PDZD2: variants seen among roughly 807,000 people sequenced by gnomAD.
PDZD2 encodes the protein PDZ domain-containing protein 2.
Under a neutral mutation model 220.7 loss-of-function variants are expected in PDZD2, and 90 were observed. The observed-to-expected ratio is 0.41, with a 90% CI of 0.34 to 0.49. The LOEUF (loss-of-function observed/expected upper bound fraction) is 0.49. PDZD2 is among the 20% of genes least tolerant of loss of function. The probability of loss-of-function intolerance (pLI) is 0.28; values close to 1 mark genes in which losing one functional copy is unlikely to be tolerated. For missense variants in PDZD2, 3,174 were observed against 3,608.5 expected (o/e 0.88, Z 3.08); for synonymous variants, 1,375 against 1,450.5 (o/e 0.95, Z 1.18).
intron 3 of PDZD2, among the ~76,000 whole-genome samples, chr5:31,985,765 T>C (rs1750663651): frequency 6.6e-6 from 1 of 151,950 alleles, no homozygotes; most frequent in Admixed American, 6.6e-5. Flanking sequence ...AATAATACTA[T>C]TAATAATAAA....
At chr5:31,773,969 A>G (rs980785719) in intron 1 of PDZD2, among the ~76,000 whole-genome samples, 1 of 152,168 alleles carries the variant, frequency 6.6e-6, no homozygotes, top group Non-Finnish European at 1.5e-5. Flanking sequence ...ACCGATGTCG[A>G]CACCTAGAGG....
At chr5:32,103,442 A>T (rs1273161765) in intron 24 of PDZD2, 1 of 152,208 alleles carries the variant, frequency 6.6e-6, no homozygotes, top group Non-Finnish European at 1.5e-5. Context: ...TCAAACCTTG[A>T]TATAATAAAG....
rs1467260076 is a variant in PDZD2, at chr5:31,639,168, C to T, written c.-630C>T. On this transcript the variant is annotated 5_prime_UTR_variant, in exon 1 of 25. Transcript: ENST00000438447. The surrounding 1 kb of genome is among the most constrained non-coding windows in gnomAD (Gnocchi z 4.1). ...ATCCCCTGCGCAGCGAGGCGAGGAG[C>T]GGACCCCAGCGCCGGTGCGTGCCGG... is the stretch of plus-strand genomic sequence containing the variant. 6.6e-5 allele frequency among the ~76,000 whole-genome samples: 10 copies of T among 152,116 alleles called. 2 individuals carry two copies. Among genetic ancestry groups the T allele is most frequent in the Admixed American group, 5.9e-4 (9 of 15,292 alleles).
chr5:32,107,438 T>G (rs189872899), intron 24 of PDZD2: 2 of 151,876 alleles, frequency 1.3e-5, no homozygotes, highest in Non-Finnish European at 2.9e-5. Flanking sequence ...ATGCCTGTGG[T>G]AGCAGCTACT....
chr5:31,711,444 C>G (rs1748098203), intron 1 of PDZD2, among the ~76,000 whole-genome samples: 1 of 152,224 alleles, frequency 6.6e-6, no homozygotes, highest in African/African-American at 2.4e-5. Context: ...AAAGCATAAG[C>G]AAGTCTATGC....
Position 31,849,903 on chromosome 5 carries a change from T to TACATATATATATATACATATATATATAC in PDZD2, c.476+50206_476+50207insCACATATATATATATACATATATATATA, listed in dbSNP as rs1757839003. Among the ~76,000 whole-genome samples, 32 of 25,678 alleles carry TACATATATATATATACATATATATATAC rather than the reference T, an allele frequency of 1.2e-3. 6 individuals carry two copies. The highest frequency in any genetic ancestry group is 1.3e-3 in the Non-Finnish European group (21 of 15,630). 16.8% of individuals were successfully genotyped at this position (25,678 alleles called of 152,430 possible). A position where few individuals can be genotyped will look rare whatever the true frequency, so the allele number is the denominator to read the frequency against. On this transcript the variant is annotated intron_variant, in intron 2 of 24. Transcript: ENST00000438447. ...ATATATATATACACATATATATATA[T>TACATATATATATATACATATATATATAC]ACATATATATATATACATATATATA...
chr5:32,001,176 G>A (rs1046506422), intron 5 of PDZD2, among the ~76,000 whole-genome samples: 6 of 152,184 alleles, frequency 3.9e-5, no homozygotes, highest in African/African-American at 9.7e-5. Context: ...AAAGGTCAGG[G>A]ACTGCAGTGT....
chr5:31,707,153 TG>T (rs1002652252), intron 1 of PDZD2, among the ~76,000 whole-genome samples: 1 of 47,298 alleles, frequency 2.1e-5, no homozygotes, highest in Non-Finnish European at 3.8e-5. Flanking sequence ...GGGCCTGTCA[TG>T]GGGTGGGGGG....
At chr5:31,870,879 ACT>A (rs1320674184) in intron 2 of PDZD2, among the ~76,000 whole-genome samples, 1 of 146,744 alleles carries the variant, frequency 6.8e-6, no homozygotes, top group Non-Finnish European at 1.5e-5. Flanking sequence ...ACAGATCGAG[ACT>A]CTGTCTCAAA....
intron 1 of PDZD2, among the ~76,000 whole-genome samples, chr5:31,682,089 A>C (rs1412390156): frequency 6.6e-6 from 1 of 152,152 alleles, no homozygotes; most frequent in African/African-American, 2.4e-5. Flanking sequence ...ATTAGACCCA[A>C]GTGGCGAGTT....
chr5:31,655,928 GA>G (rs2150109262), intron 1 of PDZD2, among the ~76,000 whole-genome samples: 1 of 152,360 alleles, frequency 6.6e-6, no homozygotes, highest in African/African-American at 2.4e-5. Context: ...GTGGATGGTA[GA>G]AAGGAAGTTT....
rs1743311238 is a variant in PDZD2, at chr5:32,093,027, G to A, written c.7845+3G>A. 1.4e-6 allele frequency: 2 copies of A among 1,410,762 alleles called. No homozygotes were observed. The highest frequency in any genetic ancestry group is 1.0e-6 in the Non-Finnish European group (1 of 996,262). 87.4% of individuals were successfully genotyped at this position (1,410,762 alleles called of 1,614,324 possible). A position where few individuals can be genotyped will look rare whatever the true frequency, so the allele number is the denominator to read the frequency against. On this transcript the variant is annotated splice_donor_region_variant and intron_variant, in intron 21 of 24. Coordinates refer to ENST00000438447, the MANE Select transcript of PDZD2 (RefSeq NM_178140.4). ...AGGAAGCGAAAGCACAATCAGAGGT[G>A]AGTGAAACACAGAAAGCTCAGGAAC...
intron 1 of PDZD2, among the ~76,000 whole-genome samples, chr5:31,688,446 C>T (rs1746961694): frequency 6.6e-6 from 1 of 152,150 alleles, no homozygotes; most frequent in Non-Finnish European, 1.5e-5. Context: ...GCTGTAAGCA[C>T]GAAGAGCAAA....
At position 31,639,154 on chromosome 5, in the gene PDZD2, A is replaced by G. The variant is rs888670613; in HGVS notation, c.-644A>G. On this transcript the variant is annotated 5_prime_UTR_variant, in exon 1 of 25. Coordinates refer to ENST00000438447, the MANE Select transcript of PDZD2 (RefSeq NM_178140.4). The surrounding 1 kb of genome is among the most constrained non-coding windows in gnomAD (Gnocchi z 4.1). ...TGGAGGCTCGGCGGATCCCCTGCGC[A>G]GCGAGGCGAGGAGCGGACCCCAGCG... Among the ~76,000 whole-genome samples, 1 of 151,942 alleles carries G rather than the reference A, an allele frequency of 6.6e-6. No homozygotes were observed. Among genetic ancestry groups the G allele is most frequent in the African/African-American group, 2.4e-5 (1 of 41,406 alleles).
At chr5:31,999,900 G>A (rs1289820499) in intron 4 of PDZD2, among the ~76,000 whole-genome samples, 2 of 152,138 alleles carry the variant, frequency 1.3e-5, no homozygotes, top group African/African-American at 2.4e-5. Context: ...CAGGTAGGCC[G>A]GTGACCTTAA....
chr5:31,930,296 C>A (rs1745160978), intron 2 of PDZD2, among the ~76,000 whole-genome samples: 1 of 150,064 alleles, frequency 6.7e-6, no homozygotes, highest in South Asian at 2.1e-4. Context: ...AGCTCTGCCT[C>A]CCGGGTTCAC....
rs1321273424 is a variant in PDZD2, at chr5:31,867,978, T to G, written c.476+68254T>G. Reference sequence around the variant, plus strand: ...TATTTGTCAGGATTTGTGCTGGGAGTTTTAACTGGGGGATCTCACACCTAG... The same window carrying G: ...TATTTGTCAGGATTTGTGCTGGGAGGTTTAACTGGGGGATCTCACACCTAG... On this transcript the variant is annotated intron_variant, in intron 2 of 24. Coordinates refer to ENST00000438447, the MANE Select transcript of PDZD2 (RefSeq NM_178140.4). Among the ~76,000 whole-genome samples the G allele has an allele frequency of 2.0e-5, 3 of 151,202 alleles. No individual in the cohort carries two copies. The East Asian group carries it at 5.8e-4, about 29-fold the overall frequency.
intron 1 of PDZD2, among the ~76,000 whole-genome samples, chr5:31,678,769 G>A (rs571787158): frequency 2.5e-4 from 38 of 152,186 alleles, no homozygotes; most frequent in Non-Finnish European, 5.1e-4. Context: ...ACCACACCTG[G>A]CTAATTTTTG....
At chr5:31,887,241 G>A (rs181006584) in intron 2 of PDZD2, among the ~76,000 whole-genome samples, 23 of 152,176 alleles carry the variant, frequency 1.5e-4, no homozygotes, top group Non-Finnish European at 2.1e-4. Context: ...TTTTACACAC[G>A]CACACACAAA....
Sources: gnomAD v4.1 joint callset for allele counts (sites outside exome capture counted in the v4.1 genomes callset) on GRCh38, gnomAD v4.1.1 for gene constraint, Gnocchi (gnomAD v3.1) non-coding constraint, MANE v1.5 for transcripts, NCBI Gene and HGNC (gene_info 2026-07-23, HGNC 2026-07-21) for gene names.